Variants in EXOC4 observed in about 807,000 individuals in gnomAD.
The protein encoded by EXOC4 is SEC8-like 1.
In EXOC4, 71 loss-of-function variants were observed where a neutral mutation model predicts 107.2. That is an observed-to-expected ratio of 0.66 (90% CI 0.55 to 0.81). EXOC4 has a LOEUF of 0.81. Among genes scored for constraint, EXOC4 ranks in the 30% least tolerant of loss-of-function variants. The probability of loss-of-function intolerance (pLI) is 0.00; values close to 1 mark genes in which losing one functional copy is unlikely to be tolerated. For missense variants in EXOC4, 1,108 were observed against 1,189.6 expected (o/e 0.93, Z 1.01); for synonymous variants, 456 against 441.2 (o/e 1.03, Z -0.42).
intron 10 of EXOC4, among the ~76,000 whole-genome samples, chr7:133,636,138 A>C (rs1378252041): frequency 6.6e-6 from 1 of 152,188 alleles, no homozygotes; most frequent in East Asian, 1.9e-4. Context: ...TGTTTCCCTT[A>C]TCTGTAAAGG....
intron 9 of EXOC4, among the ~76,000 whole-genome samples, chr7:133,542,028 A>T (rs1234815871): frequency 6.6e-6 from 1 of 152,130 alleles, no homozygotes; most frequent in African/African-American, 2.4e-5. Context: ...GACACAGTGT[A>T]AGTGCATTTT....
chr7:133,361,750 A>G lies in EXOC4; in HGVS notation c.1007+5177A>G, dbSNP rs903241390. Among the ~76,000 whole-genome samples the G allele has an allele frequency of 2.0e-5, 3 of 152,208 alleles. No individual in the cohort carries two copies. In the East Asian group the frequency reaches 5.8e-4, roughly 29 times the overall value. On this transcript the variant is annotated intron_variant, in intron 6 of 17. Transcript: ENST00000253861. Reference sequence around the variant, plus strand: ...TAAGGTTACACTTCTTTTCGTTTGTATAAAAGTAACTTGTCATGATATCTG... The same window carrying G: ...TAAGGTTACACTTCTTTTCGTTTGTGTAAAAGTAACTTGTCATGATATCTG...
intron 10 of EXOC4, among the ~76,000 whole-genome samples, chr7:133,713,488 A>T (rs1042382019): frequency 1.3e-5 from 2 of 152,228 alleles, no homozygotes; most frequent in South Asian, 4.1e-4. Flanking sequence ...AGTAAGATAG[A>T]TATCATCTAG....
At chr7:133,707,406 A>G (rs1055513959) in intron 10 of EXOC4, among the ~76,000 whole-genome samples, 1 of 151,792 alleles carries the variant, frequency 6.6e-6, no homozygotes, top group African/African-American at 2.4e-5. Flanking sequence ...AAAATAAAAG[A>G]TGATAGAAAA....
At chr7:133,517,652 C>T (rs1480718735) in intron 9 of EXOC4, among the ~76,000 whole-genome samples, 1 of 151,984 alleles carries the variant, frequency 6.6e-6, no homozygotes, top group Admixed American at 6.6e-5. Flanking sequence ...GAGACTTATT[C>T]ACTATCATAA....
intron 10 of EXOC4, among the ~76,000 whole-genome samples, chr7:133,789,201 T>C (rs1170547604): frequency 6.6e-6 from 1 of 152,142 alleles, no homozygotes; most frequent in African/African-American, 2.4e-5. Context: ...AAAGGAAAAC[T>C]AGGGGCCAGA....
At chr7:133,499,140 A>C (rs898455488) in intron 9 of EXOC4, among the ~76,000 whole-genome samples, 1 of 149,818 alleles carries the variant, frequency 6.7e-6, no homozygotes, top group African/African-American at 2.5e-5. Context: ...ACCCCAGACC[A>C]GGTCAACTTC....
chr7:133,343,797 T>C (rs538290282), intron 5 of EXOC4, among the ~76,000 whole-genome samples: 1 of 152,078 alleles, frequency 6.6e-6, no homozygotes, highest in African/African-American at 2.4e-5. Flanking sequence ...TTTGAGCCCC[T>C]CTCTTGGGCA....
intron 10 of EXOC4, among the ~76,000 whole-genome samples, chr7:133,664,326 T>A (rs1001234101): frequency 1.3e-5 from 2 of 152,190 alleles, no homozygotes. Flanking sequence ...CTTAGAATGG[T>A]TCCTGACATA....
At chr7:133,917,344 T>C (rs1448239086) in intron 12 of EXOC4, among the ~76,000 whole-genome samples, 1 of 152,208 alleles carries the variant, frequency 6.6e-6, no homozygotes, top group Non-Finnish European at 1.5e-5. Flanking sequence ...AGGAGCTAAT[T>C]AGTTTTTTCA....
At chr7:133,975,423 A>G (rs1033573648) in intron 14 of EXOC4, among the ~76,000 whole-genome samples, 2 of 152,174 alleles carry the variant, frequency 1.3e-5, no homozygotes, top group Non-Finnish European at 2.9e-5. Context: ...TTTGTGCATA[A>G]TTCTGACCAA....
chr7:133,752,952 G>A (rs973050416), intron 10 of EXOC4, among the ~76,000 whole-genome samples: 2 of 152,170 alleles, frequency 1.3e-5, no homozygotes, highest in East Asian at 3.9e-4. Flanking sequence ...CACCTCTGAT[G>A]CCATGTTTTG....
At chr7:133,370,670 C>T (rs1796354668) in intron 6 of EXOC4, among the ~76,000 whole-genome samples, 1 of 152,154 alleles carries the variant, frequency 6.6e-6, no homozygotes, top group African/African-American at 2.4e-5. Context: ...TAAGCAGTTC[C>T]CAGCTTGACT....
At chr7:133,474,059 T>C (rs1221391136) in intron 7 of EXOC4, among the ~76,000 whole-genome samples, 1 of 152,172 alleles carries the variant, frequency 6.6e-6, no homozygotes, top group Non-Finnish European at 1.5e-5. Context: ...AATCAGGGAA[T>C]TTAGTTCACT....
chr7:133,655,156 A>T (rs1431278882), intron 10 of EXOC4, among the ~76,000 whole-genome samples: 2 of 146,488 alleles, frequency 1.4e-5, no homozygotes, highest in East Asian at 4.1e-4. Flanking sequence ...CATTAACCTT[A>T]GCTTACTGTA....
intron 7 of EXOC4, among the ~76,000 whole-genome samples, chr7:133,453,086 G>A (rs1441978202): frequency 6.6e-6 from 1 of 152,150 alleles, no homozygotes. Context: ...CATTAAAAGA[G>A]CTTAACATAA....
Position 133,931,750 on chromosome 7 carries a change from G to A in EXOC4, c.2028-6141G>A, listed in dbSNP as rs145464111. Among the ~76,000 whole-genome samples, 980 of 152,278 alleles carry A rather than the reference G, an allele frequency of 6.4e-3. 4 individuals are homozygous for A. Among genetic ancestry groups the A allele is most frequent in the Non-Finnish European group, 0.011 (764 of 68,016 alleles). ...AACATCTTGGCCTCTAATTGGAGAA[G>A]CTGTTCGAATCCTGGTGTTCTGCTA... On this transcript the variant is annotated intron_variant, in intron 13 of 17. Coordinates refer to ENST00000253861, the MANE Select transcript of EXOC4 (RefSeq NM_021807.4).
At chr7:133,782,195 A>G (rs556149353) in intron 10 of EXOC4, among the ~76,000 whole-genome samples, 10 of 152,130 alleles carry the variant, frequency 6.6e-5, no homozygotes, top group Non-Finnish European at 1.2e-4. Flanking sequence ...GTTATTTATC[A>G]AAGTGCTACA....
At chr7:133,308,735 A>G (rs1794807598) in intron 4 of EXOC4, among the ~76,000 whole-genome samples, 1 of 152,228 alleles carries the variant, frequency 6.6e-6, no homozygotes, top group Non-Finnish European at 1.5e-5. Flanking sequence ...TCTTAGATAT[A>G]ATCTGGAAAT....
Sources: gnomAD v4.1 joint callset for allele counts (sites outside exome capture counted in the v4.1 genomes callset) on GRCh38, gnomAD v4.1.1 for gene constraint, MANE v1.5 for transcripts, NCBI Gene and HGNC (gene_info 2026-07-23, HGNC 2026-07-21) for gene names.